STK10: variants seen among roughly 807,000 people sequenced by gnomAD.
STK10 encodes serine/threonine-protein kinase 10.
STK10 carries 78 observed loss-of-function variants against 113.8 expected under a neutral mutation model. The ratio of observed to expected loss-of-function variants is 0.69; its 90% CI spans 0.57 to 0.83. STK10 has a LOEUF of 0.83. Among genes scored for constraint, STK10 ranks in the 40% least tolerant of loss-of-function variants. The probability of loss-of-function intolerance (pLI) is 0.00; values close to 1 mark genes in which losing one functional copy is unlikely to be tolerated. For synonymous variants in STK10, 465 were observed against 494.7 expected (o/e 0.94, Z 0.80); for missense variants, 1,109 against 1,280.1 (o/e 0.87, Z 2.04).
chr5:172,088,385 A>G (rs1253800950), intron 10 of STK10, among the ~76,000 whole-genome samples: 2 of 151,970 alleles, frequency 1.3e-5, no homozygotes, highest in African/African-American at 4.8e-5. Flanking sequence ...TTAGCCGGGC[A>G]TGGTGGCGGG....
intron 2 of STK10, among the ~76,000 whole-genome samples, chr5:172,140,662 A>C (rs940436565): frequency 6.6e-6 from 1 of 152,186 alleles, no homozygotes; most frequent in Non-Finnish European, 1.5e-5. Context: ...GTGCCACTGC[A>C]CTCCAGCCTG....
Position 172,082,814 on chromosome 5 carries a change from T to C in STK10, c.1809+147A>G. On this transcript the variant is annotated intron_variant, in intron 11 of 18. Coordinates refer to ENST00000176763, the MANE Select transcript of STK10 (RefSeq NM_005990.4). This position sits in a 1 kb window ranked among gnomAD's most constrained non-coding sequence, Gnocchi z 4.3. ...ACGGGGTTCTGTGTTAACAAGTCAC[T>C]GCCTAACAAGATCGGGAAGCCCCCA... The C allele has an allele frequency of 1.2e-5, 16 of 1,304,324 alleles. No homozygotes were observed. The South Asian group carries it at 2.2e-4, about 18-fold the overall frequency. 80.8% of individuals were successfully genotyped at this position (1,304,324 alleles called of 1,614,324 possible).
chr5:172,080,800 G>T (rs1768410717), intron 12 of STK10, among the ~76,000 whole-genome samples: 1 of 152,244 alleles, frequency 6.6e-6, no homozygotes, highest in Non-Finnish European at 1.5e-5. Context: ...TGACGGAGAA[G>T]CTGCAGTGAG....
chr5:172,145,467 G>A (rs1042266106), intron 2 of STK10, among the ~76,000 whole-genome samples: 3 of 152,214 alleles, frequency 2.0e-5, no homozygotes, highest in African/African-American at 7.2e-5. Context: ...GTGTGGGGCG[G>A]TGGCCACTGC....
intron 2 of STK10, among the ~76,000 whole-genome samples, chr5:172,138,567 A>G (rs1013243186): frequency 7.2e-5 from 11 of 152,234 alleles, no homozygotes; most frequent in African/African-American, 2.2e-4. Context: ...ACATACTAAC[A>G]ATGAATAAAC....
chr5:172,066,614 CCT>C lies in STK10; in HGVS notation c.1990-1804_1990-1803del, dbSNP rs1191334376. Among the ~76,000 whole-genome samples, 8 of 152,240 alleles carry C rather than the reference CCT, an allele frequency of 5.3e-5. 1 individual carries two copies. The East Asian group carries it at 1.5e-3, about 29-fold the overall frequency. On this transcript the variant is annotated intron_variant, in intron 12 of 18. Coordinates refer to ENST00000176763, the MANE Select transcript of STK10 (RefSeq NM_005990.4). ...CCAGCCTTGGGCAACATGGTGAAAC[CCT>C]GTCTCTACTAAAAATACAAAAATCA...
intron 7 of STK10, among the ~76,000 whole-genome samples, chr5:172,097,468 C>T (rs1340213824): frequency 6.6e-6 from 1 of 152,254 alleles, no homozygotes; most frequent in Non-Finnish European, 1.5e-5. Flanking sequence ...CCGCCAGCCT[C>T]GGGAGCCTGC....
chr5:172,066,021 G>A (rs888027359), intron 12 of STK10, among the ~76,000 whole-genome samples: 1 of 152,164 alleles, frequency 6.6e-6, no homozygotes, highest in African/African-American at 2.4e-5. Flanking sequence ...TCCTCAGACA[G>A]TTCCTTCCCA....
intron 7 of STK10, among the ~76,000 whole-genome samples, chr5:172,097,728 T>C (rs551553217): frequency 6.6e-6 from 1 of 152,316 alleles, no homozygotes; most frequent in African/African-American, 2.4e-5. Context: ...CATTCTCGTA[T>C]ATGTCTTTGG....
At chr5:172,144,707 GAACTGAGTTCACC>G (rs1770050989) in intron 2 of STK10, among the ~76,000 whole-genome samples, 1 of 152,134 alleles carries the variant, frequency 6.6e-6, no homozygotes. Flanking sequence ...TGAGCAGGGT[GAACTGAGTTCACC>G]CATGGGCAAG....
At chr5:172,080,377 A>G (rs1357411192) in intron 12 of STK10, among the ~76,000 whole-genome samples, 2 of 152,222 alleles carry the variant, frequency 1.3e-5, no homozygotes, top group African/African-American at 4.8e-5. Context: ...CGTGTCTCTC[A>G]CTTTAAATCA....
In STK10 at chr5:172,054,802, T is replaced by G. The variant is rs1312715303; in HGVS notation, c.2527-108A>C. On this transcript the variant is annotated intron_variant, in intron 16 of 18. Transcript: ENST00000176763. ...GAGACCCCTCAGGGGGACTGGTCTG[T>G]GCACAGCCCCAGTACCCAGCACCAC... 4 of 1,475,848 alleles carry G rather than the reference T, an allele frequency of 2.7e-6. No homozygotes were observed. The Admixed American group carries it at 5.5e-5, about 20-fold the overall frequency. 91.4% of individuals were successfully genotyped at this position (1,475,848 alleles called of 1,614,324 possible).
intron 12 of STK10, among the ~76,000 whole-genome samples, chr5:172,071,697 T>C (rs77946090): frequency 0.011 from 1,728 of 152,170 alleles, 43 homozygotes; most frequent in African/African-American, 0.04. Flanking sequence ...GGAACCATCA[T>C]GTAAGGCTCC....
chr5:172,105,831 C>G, intron 6 of STK10, 94 bp from the exon 7 acceptor site: 2 of 1,140,698 alleles, frequency 1.8e-6, no homozygotes, highest in Admixed American at 1.9e-5. Flanking sequence ...TCATGCCCCT[C>G]AAAGGACAGA....
chr5:172,182,952 A>G (rs954443259), intron 1 of STK10, among the ~76,000 whole-genome samples: 1 of 152,138 alleles, frequency 6.6e-6, no homozygotes, highest in East Asian at 1.9e-4. Context: ...CATACCTATA[A>G]TCCCAGCACT....
intron 4 of STK10, among the ~76,000 whole-genome samples, chr5:172,116,526 G>C (rs1192124972): frequency 2.6e-5 from 4 of 152,056 alleles, no homozygotes; most frequent in Non-Finnish European, 4.4e-5. Flanking sequence ...GTGTTATTTT[G>C]GTTAAAAAAA....
intron 12 of STK10, among the ~76,000 whole-genome samples, chr5:172,078,848 A>G (rs1768368667): frequency 6.6e-6 from 1 of 151,738 alleles, no homozygotes; most frequent in Non-Finnish European, 1.5e-5. Flanking sequence ...TGTTAAGGGC[A>G]AGTTCTGGGA....
At chr5:172,160,215 TG>T (rs975671853) in intron 1 of STK10, among the ~76,000 whole-genome samples, 6 of 151,908 alleles carry the variant, frequency 3.9e-5, no homozygotes, top group Non-Finnish European at 7.4e-5. Flanking sequence ...GGTTCATGCC[TG>T]TAATCCCAGC....
At chr5:172,116,653 T>A (rs1478878986) in intron 4 of STK10, among the ~76,000 whole-genome samples, 1 of 145,658 alleles carries the variant, frequency 6.9e-6, no homozygotes, top group East Asian at 2.2e-4. Context: ...GGTTCACTTG[T>A]GGTCAGGAAC....
Sources: gnomAD v4.1 joint callset for allele counts (sites outside exome capture counted in the v4.1 genomes callset) on GRCh38, gnomAD v4.1.1 for gene constraint, Gnocchi (gnomAD v3.1) non-coding constraint, MANE v1.5 for transcripts, NCBI Gene and HGNC (gene_info 2026-07-23, HGNC 2026-07-21) for gene names.